Variants in CASK observed in about 807,000 individuals in gnomAD.
CASK encodes calcium/calmodulin dependent serine protein kinase.
In CASK, 4 loss-of-function variants were observed where a neutral mutation model predicts 82.9. The ratio of observed to expected loss-of-function variants is 0.05; its 90% CI spans 0.02 to 0.11. The LOEUF (loss-of-function observed/expected upper bound fraction) is 0.11, where lower values mean the gene tolerates loss of function less well. Among genes scored for constraint, CASK ranks in the 10% least tolerant of loss-of-function variants. CASK has a pLI of 1.00. For missense variants in CASK, 358 were observed against 720.9 expected, an observed-to-expected ratio of 0.50 and a Z score of 5.76; for synonymous variants, 259 against 253.5, an observed-to-expected ratio of 1.02 and a Z score of -0.20.
chrX:41,682,529 GAAA>G (rs869093187), intron 5 of CASK, among the ~76,000 whole-genome samples: 3,786 of 22,338 alleles, frequency 0.17, 48 homozygotes, highest in Middle Eastern at 0.33. Flanking sequence ...ACTGTCTCAG[GAAA>G]AAAAAAAAAA....
intron 6 of CASK, among the ~76,000 whole-genome samples, chrX:41,669,673 G>C (rs2067168947): frequency 8.9e-6 from 1 of 111,903 alleles, no homozygotes; most frequent in Non-Finnish European, 1.9e-5. Flanking sequence ...TACAAGATCA[G>C]TATGAACCAT....
intron 26 of CASK, among the ~76,000 whole-genome samples, chrX:41,521,812 C>T (rs2064641689): frequency 8.9e-6 from 1 of 112,014 alleles, no homozygotes; most frequent in Non-Finnish European, 1.9e-5. Context: ...GGCTATGTCT[C>T]CAGCTAGGGC....
At chrX:41,733,887 A>G (rs1021075320) in intron 5 of CASK, among the ~76,000 whole-genome samples, 9 of 112,160 alleles carry the variant, frequency 8.0e-5, no homozygotes, top group African/African-American at 2.9e-4. Flanking sequence ...GTAACGGAGA[A>G]CAAGAGACTA....
At position 41,598,134 on chromosome X, in the gene CASK, G is replaced by GACACACACACACACAC. The variant is rs757204318; in HGVS notation, c.1156-8558_1156-8543dup. ...AGCCGGAGTGACAGACTGAGGCCCT[G>GACACACACACACACAC]ACACACACACACACACACACACACA... On this transcript the variant is annotated intron_variant, in intron 12 of 26. Coordinates refer to ENST00000378163, the MANE Select transcript of CASK (RefSeq NM_001367721.1). Among the ~76,000 whole-genome samples, 100 of 99,922 alleles carry GACACACACACACACAC rather than the reference G, an allele frequency of 1.0e-3. 1 individual carries two copies. The highest frequency in any genetic ancestry group is 3.6e-3 in the African/African-American group (96 of 26,964). The allele number at this position is 99,922 out of a possible 115,157, so 86.8% of individuals were successfully genotyped here.
chrX:41,577,110 C>T (rs2065495377), intron 15 of CASK, among the ~76,000 whole-genome samples: 1 of 111,762 alleles, frequency 8.9e-6, no homozygotes. Context: ...GAATTTTTTT[C>T]CTCTTCTAAA....
chrX:41,673,834 T>TTTG (rs1436995921), intron 5 of CASK, among the ~76,000 whole-genome samples: 38 of 95,285 alleles, frequency 4.0e-4, no homozygotes, highest in Non-Finnish European at 6.8e-4. Context: ...TGGGTGTTTT[T>TTTG]TTTTTTTTTT....
chrX:41,713,839 G>A (rs781139670), intron 5 of CASK, among the ~76,000 whole-genome samples: 3 of 111,638 alleles, frequency 2.7e-5, no homozygotes, highest in South Asian at 7.6e-4. Flanking sequence ...GAAATCGATG[G>A]GGTTAAAACA....
chrX:41,901,274 G>C, intron 1 of CASK, among the ~76,000 whole-genome samples: 1 of 111,268 alleles, frequency 9.0e-6, no homozygotes, highest in Non-Finnish European at 1.9e-5. Flanking sequence ...TTGAGGACCA[G>C]CTTGGGCAAC....
intron 8 of CASK, among the ~76,000 whole-genome samples, chrX:41,651,762 T>G (rs1442295402): frequency 1.8e-5 from 2 of 111,906 alleles, no homozygotes; most frequent in African/African-American, 6.5e-5. Flanking sequence ...CATGGTATAA[T>G]ACAACGAACA....
chrX:41,809,711 T>C (rs2147877986), intron 2 of CASK, among the ~76,000 whole-genome samples: 1 of 112,167 alleles, frequency 8.9e-6, no homozygotes, highest in South Asian at 3.7e-4. Flanking sequence ...CGCAGCTCCT[T>C]GCCAGCAACG....
At chrX:41,757,284 A>G (rs1388126529) in intron 3 of CASK, among the ~76,000 whole-genome samples, 2 of 111,058 alleles carry the variant, frequency 1.8e-5, no homozygotes, top group Non-Finnish European at 3.8e-5. Context: ...AATGTCCCAT[A>G]ACTACCATCT....
chrX:41,619,269 A>T (rs1164899235), intron 11 of CASK, among the ~76,000 whole-genome samples: 1 of 110,916 alleles, frequency 9.0e-6, no homozygotes, highest in Non-Finnish European at 1.9e-5. Flanking sequence ...ATTTGGCAAT[A>T]AAGTTTGTAT....
At chrX:41,800,549 T>C (rs1260789495) in intron 2 of CASK, among the ~76,000 whole-genome samples, 3 of 110,174 alleles carry the variant, frequency 2.7e-5, no homozygotes, top group Non-Finnish European at 5.7e-5. Flanking sequence ...ATGTGCACAA[T>C]GTGCAGGTTA....
intron 14 of CASK, among the ~76,000 whole-genome samples, chrX:41,583,529 T>C (rs2065612547): frequency 9.0e-6 from 1 of 110,570 alleles, no homozygotes. Flanking sequence ...CTCTGTCTCC[T>C]GGGTTCAGGT....
At chrX:41,753,557 A>G (rs2068834277) in intron 3 of CASK, among the ~76,000 whole-genome samples, 1 of 112,510 alleles carries the variant, frequency 8.9e-6, no homozygotes, top group African/African-American at 3.2e-5. Context: ...GAGACAAAAT[A>G]GAGAAAAAGC....
intron 10 of CASK, among the ~76,000 whole-genome samples, chrX:41,625,814 T>G (rs765552295): frequency 2.8e-5 from 3 of 108,732 alleles, no homozygotes; most frequent in Non-Finnish European, 5.8e-5. Flanking sequence ...GAGTCTCGCA[T>G]TATCGCCCAG....
intron 2 of CASK, among the ~76,000 whole-genome samples, chrX:41,812,793 G>A (rs1040248176): frequency 1.8e-5 from 2 of 111,646 alleles, no homozygotes; most frequent in Non-Finnish European, 3.8e-5. Context: ...AAAAGAGGAA[G>A]TCAAATTGTC....
chrX:41,733,592 C>G lies in CASK; in HGVS notation c.429+5792G>C, dbSNP rs760817064. On this transcript the variant is annotated intron_variant, in intron 5 of 26. Coordinates refer to ENST00000378163, the MANE Select transcript of CASK (RefSeq NM_001367721.1). ...TGAAACCCCGTCTCTACTAAAAATA[C>G]AAAAAAATTAGCCGGGCATGGTGGC... Among the ~76,000 whole-genome samples the G allele has an allele frequency of 2.8e-5, 3 of 108,000 alleles. No individual in the cohort carries two copies. The East Asian group carries it at 8.8e-4, about 32-fold the overall frequency. 93.8% of individuals were successfully genotyped at this position (108,000 alleles called of 115,157 possible). A position where few individuals can be genotyped will look rare whatever the true frequency, so the allele number is the denominator to read the frequency against.
intron 5 of CASK, among the ~76,000 whole-genome samples, chrX:41,682,786 C>T (rs750770948): frequency 9.1e-6 from 1 of 109,365 alleles, no homozygotes; most frequent in Non-Finnish European, 1.9e-5. Context: ...TAATTAAAAA[C>T]ATTTTTTGGG....
Sources: allele counts gnomAD v4.1 joint callset (sites outside exome capture counted in the v4.1 genomes callset), GRCh38; gene constraint gnomAD v4.1.1; transcripts MANE v1.5; gene names NCBI Gene and HGNC (gene_info 2026-07-23, HGNC 2026-07-21).